SP3: variants seen among roughly 807,000 people sequenced by gnomAD.
SP3 encodes the protein Sp3 transcription factor.
SP3 carries 10 observed loss-of-function variants against 70.3 expected under a neutral mutation model. The observed-to-expected ratio is 0.14, with a 90% CI of 0.09 to 0.24. The LOEUF (loss-of-function observed/expected upper bound fraction) is 0.24, where lower values mean the gene tolerates loss of function less well. SP3 is among the 10% of genes least tolerant of loss of function. The pLI is 1.00. For missense variants in SP3, 825 were observed against 914.6 expected, an observed-to-expected ratio of 0.90 and a Z score of 1.26; for synonymous variants, 402 against 333.5, an observed-to-expected ratio of 1.21 and a Z score of -2.24.
At chr2:173,949,556 T>A (rs1010331200) in intron 4 of SP3, among the ~76,000 whole-genome samples, 2 of 152,096 alleles carry the variant, frequency 1.3e-5, no homozygotes, top group African/African-American at 2.4e-5. Context: ...TAAGAAAGAA[T>A]TATATGAGAT....
At chr2:173,953,939 G>T (rs1690798914) in intron 4 of SP3, among the ~76,000 whole-genome samples, 1 of 152,236 alleles carries the variant, frequency 6.6e-6, no homozygotes, top group African/African-American at 2.4e-5. Context: ...TTCTAAGCAT[G>T]TATCACAAAT....
intron 4 of SP3, among the ~76,000 whole-genome samples, chr2:173,927,810 G>A (rs1198459787): frequency 6.6e-6 from 1 of 152,132 alleles, no homozygotes; most frequent in Non-Finnish European, 1.5e-5. Flanking sequence ...AGTTATTTAA[G>A]ATAGTTATGA....
intron 4 of SP3, among the ~76,000 whole-genome samples, chr2:173,925,579 A>C (rs922911957): frequency 2.0e-5 from 3 of 152,192 alleles, no homozygotes; most frequent in Non-Finnish European, 4.4e-5. Flanking sequence ...TGTTTTTTAC[A>C]ATTTTTTTAA....
intron 4 of SP3, among the ~76,000 whole-genome samples, chr2:173,921,797 T>C (rs1689761137): frequency 6.6e-6 from 1 of 152,282 alleles, no homozygotes; most frequent in African/African-American, 2.4e-5. Context: ...AGGAGGTGAT[T>C]GGATCATGGG....
intron 4 of SP3, among the ~76,000 whole-genome samples, chr2:173,945,529 G>A (rs945274510): frequency 1.3e-5 from 2 of 152,086 alleles, no homozygotes; most frequent in Non-Finnish European, 2.9e-5. Context: ...TATGTATACA[G>A]TATACAAGAA....
chr2:173,921,583 C>T (rs1207618675), intron 4 of SP3, among the ~76,000 whole-genome samples: 1 of 152,110 alleles, frequency 6.6e-6, no homozygotes, highest in African/African-American at 2.4e-5. Flanking sequence ...GGCATGGTGG[C>T]ACATGCCTTG....
chr2:173,908,431 C>G lies in SP3; in HGVS notation c.*1510G>C, dbSNP rs1689386602. 6.6e-6 allele frequency: 1 copy of G among 152,078 alleles called. No homozygotes were observed. The highest frequency in any genetic ancestry group is 6.6e-5 in the Admixed American group (1 of 15,196). The allele number at this position is 152,078 out of a possible 1,614,324, so 9.4% of individuals were successfully genotyped here. ...CTGTTTACAATTCAGTGTCTAAAAT[C>G]AAGAATCTAAAAATAAAAAGCCAAG... On this transcript the variant is annotated 3_prime_UTR_variant, in exon 7 of 7. Coordinates refer to ENST00000310015, the MANE Select transcript of SP3 (RefSeq NM_003111.5).
At chr2:173,911,813 C>CCTTT (rs1689491407) in intron 6 of SP3, among the ~76,000 whole-genome samples, 6 of 98,024 alleles carry the variant, frequency 6.1e-5, no homozygotes, top group Non-Finnish European at 1.2e-4. Context: ...TTTTATCTAC[C>CCTTT]TTTTTTTTTT....
In SP3 at chr2:173,908,248, T is replaced by C. The variant is rs1469838584; in HGVS notation, c.*1693A>G. The C allele has an allele frequency of 6.6e-6, 1 of 152,022 alleles. No individual in the cohort carries two copies. The highest frequency in any genetic ancestry group is 2.1e-4 in the South Asian group (1 of 4,834). The allele number at this position is 152,022 out of a possible 1,614,324, so 9.4% of individuals were successfully genotyped here. A position where few individuals can be genotyped will look rare whatever the true frequency, so the allele number is the denominator to read the frequency against. On this transcript the variant is annotated 3_prime_UTR_variant, in exon 7 of 7. Transcript: ENST00000310015. Reference sequence around the variant, plus strand: ...TGCTTTAAAACGGAAAACAAAAAAATTGCAAAATGGTACTGATAAAACTGA... The same window carrying C: ...TGCTTTAAAACGGAAAACAAAAAAACTGCAAAATGGTACTGATAAAACTGA...
chr2:173,940,800 C>T (rs776571878), intron 4 of SP3, among the ~76,000 whole-genome samples: 1 of 152,160 alleles, frequency 6.6e-6, no homozygotes, highest in Non-Finnish European at 1.5e-5. Flanking sequence ...ACCTGGCCCT[C>T]TCACCCATCT....
Position 173,906,720 on chromosome 2 carries a change from A to G in SP3, c.*3221T>C, listed in dbSNP as rs937333381. ...AGGCAGTACTGGAATTTAAACTACA[A>G]TTAAGAGCCTAAGGGGATGCTTGCT... On this transcript the variant is annotated 3_prime_UTR_variant, in exon 7 of 7. Coordinates refer to ENST00000310015, the MANE Select transcript of SP3 (RefSeq NM_003111.5). The G allele has an allele frequency of 6.6e-6, 1 of 152,230 alleles. No homozygotes were observed. The highest frequency in any genetic ancestry group is 1.5e-5 in the Non-Finnish European group (1 of 68,036). 9.4% of individuals were successfully genotyped at this position (152,230 alleles called of 1,614,324 possible). A position where few individuals can be genotyped will look rare whatever the true frequency, so the allele number is the denominator to read the frequency against.
intron 4 of SP3, among the ~76,000 whole-genome samples, chr2:173,942,953 AAG>A (rs1486056263): frequency 9.9e-5 from 15 of 152,202 alleles, no homozygotes; most frequent in African/African-American, 2.9e-4. Context: ...ATAAGTAACT[AAG>A]AGATGATTTA....
At chr2:173,936,625 A>C (rs1574411825) in intron 4 of SP3, among the ~76,000 whole-genome samples, 2 of 152,222 alleles carry the variant, frequency 1.3e-5, no homozygotes, top group Non-Finnish European at 2.9e-5. Context: ...ATCAATACAG[A>C]TGTATAATCT....
intron 2 of SP3, 136 bp downstream of exon 2, chr2:173,964,269 C>T (rs1691198320): frequency 2.0e-6 from 1 of 510,694 alleles, no homozygotes; most frequent in African/African-American, 2.1e-5. Context: ...GCGGGCAGCT[C>T]CCGGGGCGGG....
Position 173,964,470 on chromosome 2 carries a change from C to T in SP3, c.91G>A (p.Gly31Ser), listed in dbSNP as rs759959553. ...GGGGGGGGGHGEYLQQQQQHG... is the reference protein window; with the variant it reads ...GGGGGGGGGHSEYLQQQQQHG... ...TGTTGCTGCTGCTGCAGATACTCGC[C>T]GTGGCCGCCGCCGCCGCCACCGCCG... The change falls in exon 2 of 7, where the codon GGC becomes AGC. Residue 31 changes from glycine (G) to serine (S), a missense_variant. Gly to Ser is a moderately conservative substitution (Grantham distance 56, BLOSUM62 0). Transcript: ENST00000310015. 2.9e-6 allele frequency: 2 copies of T among 685,118 alleles called. No individual in the cohort carries two copies. Among genetic ancestry groups the T allele is most frequent in the Admixed American group, 2.0e-5 (1 of 49,306 alleles). The allele number at this position is 685,118 out of a possible 1,614,324, so 42.4% of individuals were successfully genotyped here. A position where few individuals can be genotyped will look rare whatever the true frequency, so the allele number is the denominator to read the frequency against.
intron 4 of SP3, among the ~76,000 whole-genome samples, chr2:173,926,889 T>G (rs1232436987): frequency 6.6e-6 from 1 of 152,186 alleles, no homozygotes; most frequent in Non-Finnish European, 1.5e-5. Context: ...CCCACTGCTA[T>G]GAAGAGATAC....
intron 1 of SP3, chr2:173,964,818 C>T (rs1246681175): frequency 4.2e-6 from 2 of 473,924 alleles, no homozygotes; most frequent in African/African-American, 2.1e-5. Flanking sequence ...CCTCTCCTCT[C>T]CTCCCCTTTC....
chr2:173,915,302 A>G (rs561409416), intron 5 of SP3: 3 of 152,288 alleles, frequency 2.0e-5, no homozygotes, highest in East Asian at 3.9e-4. Context: ...CCAAAATTCT[A>G]TTTAAAAAGA....
intron 4 of SP3, among the ~76,000 whole-genome samples, chr2:173,929,254 AATG>A (rs1432198662): frequency 6.6e-6 from 1 of 152,232 alleles, no homozygotes; most frequent in Non-Finnish European, 1.5e-5. Flanking sequence ...AGGGCAATTC[AATG>A]ATTATTTTAT....
Sources: gnomAD v4.1 joint callset for allele counts (sites outside exome capture counted in the v4.1 genomes callset) on GRCh38, gnomAD v4.1.1 for gene constraint, MANE v1.5 for transcripts, NCBI Gene and HGNC (gene_info 2026-07-23, HGNC 2026-07-21) for gene names.